The following UBR2 variants were observed in gnomAD, a reference collection of about 807,000 sequenced individuals.
UBR2 encodes E3 ubiquitin-protein ligase UBR2.
A neutral mutation model predicts 247.9 loss-of-function variants in UBR2; 92 were observed. That is an observed-to-expected ratio of 0.37 (90% CI 0.31 to 0.44). The LOEUF (loss-of-function observed/expected upper bound fraction) is 0.44, where lower values mean the gene tolerates loss of function less well. Among genes scored for constraint, UBR2 ranks in the 20% least tolerant of loss-of-function variants. The probability of loss-of-function intolerance (pLI) is 1.00; values close to 1 mark genes in which losing one functional copy is unlikely to be tolerated. For missense variants in UBR2, 1,613 were observed against 2,112.6 expected, an observed-to-expected ratio of 0.76 and a Z score of 4.64; for synonymous variants, 672 against 693.5, an observed-to-expected ratio of 0.97 and a Z score of 0.49.
intron 21 of UBR2, among the ~76,000 whole-genome samples, chr6:42,647,339 TG>T (rs2151963069): frequency 6.7e-6 from 1 of 149,218 alleles, no homozygotes; most frequent in Non-Finnish European, 1.5e-5. Flanking sequence ...CCCAACACTT[TG>T]GGAGACCAAG....
intron 20 of UBR2, 22 bp from the exon 21 acceptor site, chr6:42,645,444 T>C: frequency 2.5e-6 from 4 of 1,607,698 alleles, no homozygotes; most frequent in Non-Finnish European, 3.4e-6. Flanking sequence ...TGTATGTATA[T>C]GTACTTTTCC....
At position 42,603,588 on chromosome 6, in the gene UBR2, G is replaced by T; in HGVS notation, c.532G>T (p.Asp178Tyr). The T allele has an allele frequency of 1.9e-6, 3 of 1,548,276 alleles. No homozygotes were observed. Among genetic ancestry groups the T allele is most frequent in the Non-Finnish European group, 2.6e-6 (3 of 1,159,588 alleles). ...LNTSEIEEEE[D>Y]PLVHLSEDVI... ...CTTTTTTTTCTGTTGTTTCTTTCAGGATCCTCTTGTTCATTTATCAGAAGA... is the reference window on the plus strand; with the variant it reads ...CTTTTTTTTCTGTTGTTTCTTTCAGTATCCTCTTGTTCATTTATCAGAAGA... Residue 178 changes from aspartate (D) to tyrosine (Y), a missense_variant and splice_region_variant, in exon 5 of 47, where the codon GAT becomes TAT. Asp to Tyr is a radical substitution (Grantham distance 160). Transcript: ENST00000372901.
chr6:42,628,446 G>A (rs1251089803), intron 11 of UBR2, among the ~76,000 whole-genome samples: 2 of 150,450 alleles, frequency 1.3e-5, no homozygotes, highest in South Asian at 2.1e-4. Context: ...TACTGGCCAG[G>A]CACAGTGGCT....
At chr6:42,580,826 C>CCA (rs751831346) in intron 2 of UBR2, among the ~76,000 whole-genome samples, 11 of 152,158 alleles carry the variant, frequency 7.2e-5, no homozygotes, top group Non-Finnish European at 1.5e-4. Flanking sequence ...CAGGCGTGAG[C>CCA]CACCGCGCCC....
At chr6:42,680,955 A>T (rs1192516004) in intron 42 of UBR2, among the ~76,000 whole-genome samples, 3 of 152,098 alleles carry the variant, frequency 2.0e-5, no homozygotes, top group Non-Finnish European at 2.9e-5. Flanking sequence ...CGAGGTCAGG[A>T]GATCGAGACC....
chr6:42,617,496 G>C lies in UBR2; in HGVS notation c.1270G>C (p.Val424Leu). ...VADLSVQIFT[V>L]PSLARMLITE... ...AGACCTCTCGGTTCAGATATTCACG[G>C]TTCCTTCACTTGTAAGTACTGAAAG... The change falls in exon 11 of 47, where the codon GTT (valine) becomes CTT (leucine). Residue 424 changes from valine (V) to leucine (L), a missense_variant. Physicochemically the swap from Val to Leu is conservative, Grantham distance 32. This residue lies in a region of UBR2 where 1,524 missense variants were observed against 1,967.3 expected (regional missense o/e 0.77). Transcript: ENST00000372901. The C allele has an allele frequency of 1.3e-6, 2 of 1,551,430 alleles. No homozygotes were observed. The highest frequency in any genetic ancestry group is 1.7e-6 in the Non-Finnish European group (2 of 1,147,074).
rs1360581131 is a variant in UBR2 at position 42,586,856 on chromosome 6, C to G, written c.339-5295C>G. 2.0e-4 allele frequency among the ~76,000 whole-genome samples: 27 copies of G among 133,178 alleles called. 1 individual carries two copies. Among genetic ancestry groups the G allele is most frequent in the Non-Finnish European group, 4.6e-5 (3 of 64,756 alleles). 87.4% of individuals were successfully genotyped at this position (133,178 alleles called of 152,430 possible). On this transcript the variant is annotated intron_variant, in intron 2 of 46. Coordinates refer to ENST00000372901, the MANE Select transcript of UBR2 (RefSeq NM_001363705.2). ...TTTTTTTTTGAGACAGAGTCTCACT[C>G]TGTCGCTGAGGCTGGAGTGCAGTGG...
chr6:42,692,486 C>G lies in UBR2; in HGVS notation c.*1313C>G, dbSNP rs1276630241. 6.6e-6 allele frequency: 1 copy of G among 152,216 alleles called. No individual in the cohort carries two copies. Among genetic ancestry groups the G allele is most frequent in the African/African-American group, 2.4e-5 (1 of 41,456 alleles). The allele number at this position is 152,216 out of a possible 1,614,324, so 9.4% of individuals were successfully genotyped here. On this transcript the variant is annotated 3_prime_UTR_variant, in exon 47 of 47. Coordinates refer to ENST00000372901, the MANE Select transcript of UBR2 (RefSeq NM_001363705.2). Reference sequence around the variant, plus strand: ...ACAACTACTATTGTTTGATGTATGACTGCTGAGAGCTTGAATACATGCAGA... The same window carrying G: ...ACAACTACTATTGTTTGATGTATGAGTGCTGAGAGCTTGAATACATGCAGA...
chr6:42,608,145 G>A (rs530724632), intron 7 of UBR2, among the ~76,000 whole-genome samples: 3 of 151,888 alleles, frequency 2.0e-5, no homozygotes, highest in African/African-American at 4.8e-5. Flanking sequence ...GTTTCCCTAC[G>A]GTATATACCA....
intron 3 of UBR2, 45 bp downstream of exon 3, chr6:42,592,274 TAATA>T (rs749179184): frequency 1.5e-6 from 2 of 1,348,224 alleles, no homozygotes; most frequent in South Asian, 1.7e-5. Context: ...TTGCATTTTA[TAATA>T]AATATCTTTT....
In UBR2 at chr6:42,657,977, A is replaced by G. The variant is rs200920224; in HGVS notation, c.2873-47A>G. 11 of 1,397,390 alleles carry G rather than the reference A, an allele frequency of 7.9e-6. No individual in the cohort carries two copies. In the East Asian group the frequency reaches 9.1e-5, roughly 12 times the overall value. 86.6% of individuals were successfully genotyped at this position (1,397,390 alleles called of 1,614,324 possible). A position where few individuals can be genotyped will look rare whatever the true frequency, so the allele number is the denominator to read the frequency against. ...GTTCCTGTGCGTAGGAATAAGTACT[A>G]TGAAGTATTAGCTATTGTTATTGTG... On this transcript the variant is annotated intron_variant, in intron 26 of 46. Transcript: ENST00000372901.
chr6:42,658,984 A>ATCT (rs1317506181), intron 29 of UBR2, among the ~76,000 whole-genome samples, 160 bp downstream of exon 29: 1 of 152,184 alleles, frequency 6.6e-6, no homozygotes, highest in Non-Finnish European at 1.5e-5. Flanking sequence ...TAATCTTAGA[A>ATCT]GTCTCTGAAT....
At chr6:42,673,725 C>G (rs1272688514) in intron 36 of UBR2, 66 bp from the exon 37 acceptor site, 21 of 1,173,656 alleles carry the variant, frequency 1.8e-5, no homozygotes, top group Middle Eastern at 1.9e-4. Flanking sequence ...GTGCTCTGAA[C>G]TAGCATTCCT....
Position 42,605,715 on chromosome 6 carries a change from A to G in UBR2, c.663-6A>G. 6.3e-7 allele frequency: 1 copy of G among 1,592,250 alleles called. No individual in the cohort carries two copies. Among genetic ancestry groups the G allele is most frequent in the Non-Finnish European group, 8.5e-7 (1 of 1,174,112 alleles). The stretch of plus-strand genomic sequence containing the variant: ...GATAATATATCATGAATATTTTATC[A>G]CACAGAGAGAAGAGTGACACCTACT... On this transcript the variant is annotated splice_polypyrimidine_tract_variant and splice_region_variant and intron_variant, in intron 5 of 46. Transcript: ENST00000372901.
rs61668810 is a variant in UBR2, at chr6:42,640,383, GGTGTGTGTGTGTGT to G, written c.1920+152_1920+165del. 614 of 174,366 alleles carry G rather than the reference GGTGTGTGTGTGTGT, an allele frequency of 3.5e-3. 2 individuals are homozygous for G. The highest frequency in any genetic ancestry group is 0.023 in the African/African-American group (512 of 21,924). 10.8% of individuals were successfully genotyped at this position (174,366 alleles called of 1,614,324 possible). ...TTCTCCAGAGGAACAGAACCAGTAA[GGTGTGTGTGTGTGT>G]GTGTGTGTGTGTGTGTGTGTGTGTG... is the stretch of plus-strand genomic sequence containing the variant. On this transcript the variant is annotated intron_variant, in intron 16 of 46. Coordinates refer to ENST00000372901, the MANE Select transcript of UBR2 (RefSeq NM_001363705.2).
intron 4 of UBR2, among the ~76,000 whole-genome samples, chr6:42,596,024 G>A (rs569498844): frequency 3.0e-4 from 46 of 150,964 alleles, no homozygotes; most frequent in Non-Finnish European, 5.6e-4. Flanking sequence ...TGAAAAAAAA[G>A]AATTGTGCTT....
In UBR2 at chr6:42,689,419, T is replaced by C; in HGVS notation, c.5025-150T>C. On this transcript the variant is annotated intron_variant, in intron 45 of 46. Coordinates refer to ENST00000372901, the MANE Select transcript of UBR2 (RefSeq NM_001363705.2). The surrounding 1 kb of genome is among the most constrained non-coding windows in gnomAD (Gnocchi z 4.0). ...ACAAATTTGACTCGATTCAACCTAT[T>C]TCCTAGTTTGTGCACAATTTTTTAA... 1 of 769,388 alleles carries C rather than the reference T, an allele frequency of 1.3e-6. No homozygotes were observed. The highest frequency in any genetic ancestry group is 2.2e-6 in the Non-Finnish European group (1 of 455,942). 47.7% of individuals were successfully genotyped at this position (769,388 alleles called of 1,614,324 possible).
intron 33 of UBR2, 23 bp from the exon 34 acceptor site, chr6:42,666,144 G>A: frequency 1.3e-6 from 2 of 1,582,380 alleles, no homozygotes; most frequent in Non-Finnish European, 1.7e-6. Context: ...TTGAATAATA[G>A]TATAAAATGC....
intron 4 of UBR2, among the ~76,000 whole-genome samples, chr6:42,602,183 G>A (rs1406836005): frequency 1.5e-4 from 23 of 148,844 alleles, no homozygotes; most frequent in Non-Finnish European, 2.1e-4. Context: ...CACCATGCCT[G>A]GCCCTTTTTT....
Sources: gnomAD v4.1 joint callset for allele counts (sites outside exome capture counted in the v4.1 genomes callset) on GRCh38, gnomAD v4.1.1 for gene constraint, gnomAD v4.1.1 regional missense constraint, Gnocchi (gnomAD v3.1) non-coding constraint, MANE v1.5 for transcripts, NCBI Gene and HGNC (gene_info 2026-07-23, HGNC 2026-07-21) for gene names.